The following OGN variants were observed in gnomAD, a reference collection of about 807,000 sequenced individuals.
OGN encodes the protein mimecan.
OGN carries 19 observed loss-of-function variants against 30.8 expected under a neutral mutation model. The observed-to-expected ratio is 0.62, with a 90% CI of 0.43 to 0.90. The LOEUF (loss-of-function observed/expected upper bound fraction) is 0.90. OGN is among the 40% of genes least tolerant of loss of function. The pLI is 0.00. For missense variants in OGN, 283 were observed against 349.7 expected, an observed-to-expected ratio of 0.81 and a Z score of 1.52; for synonymous variants, 126 against 128.3, an observed-to-expected ratio of 0.98 and a Z score of 0.12.
chr9:92,400,667 A>T (rs949322901), intron 3 of OGN, among the ~76,000 whole-genome samples: 1 of 152,220 alleles, frequency 6.6e-6, no homozygotes, highest in Non-Finnish European at 1.5e-5. Flanking sequence ...TTGTTATTTC[A>T]TGACAAGTTT....
At chr9:92,387,667 G>A (rs890372684) in intron 5 of OGN, among the ~76,000 whole-genome samples, 10 of 152,144 alleles carry the variant, frequency 6.6e-5, no homozygotes, top group Non-Finnish European at 1.5e-4. Flanking sequence ...TCTTCCCAGT[G>A]AGTCTCATTT....
At chr9:92,403,645 T>G in intron 1 of OGN, 163 bp from the exon 2 acceptor site, 1 of 1,161,356 alleles carries the variant, frequency 8.6e-7, no homozygotes. Flanking sequence ...AAAAATAGTT[T>G]TGGAAAATAG....
Position 92,385,768 on chromosome 9 carries a change from G to C in OGN, c.749C>G (p.Thr250Arg), listed in dbSNP as rs1842393651. 1.9e-6 allele frequency: 3 copies of C among 1,613,994 alleles called. No homozygotes were observed. The highest frequency in any genetic ancestry group is 2.5e-6 in the Non-Finnish European group (3 of 1,179,960). ...HLQFNNIASITDDTFCKANDT... is the reference protein window; with the variant it reads ...HLQFNNIASIRDDTFCKANDT... Reference sequence around the variant, plus strand: ...ATTAGCCTTGCAGAATGTGTCATCTGTAATTGAAGCTATGTTGTTGAACTG... The same window carrying C: ...ATTAGCCTTGCAGAATGTGTCATCTCTAATTGAAGCTATGTTGTTGAACTG... The change falls in exon 7 of 7, where the codon ACA becomes AGA. Residue 250 changes from threonine (T) to arginine (R), a missense_variant. Transcript: ENST00000375561.
Position 92,386,218 on chromosome 9 carries a change from G to A in OGN, c.709C>T (p.Arg237Cys), listed in dbSNP as rs746698305. Residue 237 changes from arginine (R) to cysteine (C), a missense_variant, in exon 6 of 7, where the codon CGT becomes TGT. By Grantham distance (180) the Arg-to-Cys change is radical. Transcript: ENST00000375561. The stretch of plus-strand genomic sequence containing the variant: ...TATCATACCTGAAGATGAATTACAC[G>A]TAGACTTTCTGGTAAATTAAGAGGC... ...SVPLNLPESLRVIHLQFNNIA... is the reference protein window; with the variant it reads ...SVPLNLPESLCVIHLQFNNIA... The A allele has an allele frequency of 5.0e-6, 8 of 1,608,502 alleles. No individual in the cohort carries two copies. The highest frequency in any genetic ancestry group is 4.5e-5 in the East Asian group (2 of 44,824).
At chr9:92,395,893 T>C (rs1388510545) in intron 3 of OGN, among the ~76,000 whole-genome samples, 1 of 152,120 alleles carries the variant, frequency 6.6e-6, no homozygotes, top group African/African-American at 2.4e-5. Flanking sequence ...GAACAGTTGG[T>C]TCCTTGATAA....
rs570077429 is a variant in OGN, at chr9:92,397,608, G to T, written c.268+3484C>A. 3.3e-5 allele frequency among the ~76,000 whole-genome samples: 5 copies of T among 152,286 alleles called. No individual in the cohort carries two copies. The South Asian group carries it at 1.0e-3, about 32-fold the overall frequency. The stretch of plus-strand genomic sequence containing the variant: ...GCCTCCCAGAGTGCTGATATTACAG[G>T]CATGAGCCACCACACCCGGCCAGCA... On this transcript the variant is annotated intron_variant, in intron 3 of 6. Transcript: ENST00000375561.
intron 4 of OGN, among the ~76,000 whole-genome samples, chr9:92,391,811 G>C (rs1359687251): frequency 6.6e-6 from 1 of 152,160 alleles, no homozygotes; most frequent in Non-Finnish European, 1.5e-5. Flanking sequence ...CTCTGAGCAT[G>C]TCTGAGAAAG....
In OGN at chr9:92,403,413, C is replaced by T. The variant is rs1564302328; in HGVS notation, c.-6G>A. 6.3e-7 allele frequency: 1 copy of T among 1,589,262 alleles called. No homozygotes were observed. Among genetic ancestry groups the T allele is most frequent in the East Asian group, 2.3e-5 (1 of 44,432 alleles). ...GTAGACTGCAGAGTCTTCATTTTAG[C>T]AAAAATCAAGGTGACTGGAAGTTAA... is the stretch of plus-strand genomic sequence containing the variant. On this transcript the variant is annotated 5_prime_UTR_variant, in exon 2 of 7. Coordinates refer to ENST00000375561, the MANE Select transcript of OGN (RefSeq NM_014057.5).
intron 2 of OGN, among the ~76,000 whole-genome samples, chr9:92,402,689 T>A (rs114190002): frequency 0.01 from 1,537 of 152,274 alleles, 22 homozygotes; most frequent in African/African-American, 0.033. Context: ...CTGTTAAAAT[T>A]GATTTAAAAA....
intron 3 of OGN, 150 bp from the exon 4 acceptor site, chr9:92,393,394 C>CCATGA: frequency 1.7e-6 from 1 of 576,384 alleles, no homozygotes; most frequent in Non-Finnish European, 2.9e-6. Context: ...TAACTCGTTA[C>CCATGA]CTATATTGTG....
intron 5 of OGN, among the ~76,000 whole-genome samples, 193 bp from the exon 6 acceptor site, chr9:92,386,489 T>A (rs1018480481): frequency 6.6e-6 from 1 of 152,184 alleles, no homozygotes; most frequent in African/African-American, 2.4e-5. Flanking sequence ...ACGTGTAGTG[T>A]ATTTTGATCC....
intron 3 of OGN, among the ~76,000 whole-genome samples, chr9:92,396,330 A>T (rs1289382335): frequency 6.6e-6 from 1 of 151,926 alleles, no homozygotes; most frequent in East Asian, 1.9e-4. Context: ...AGACTATTCT[A>T]GGTCCTTTAT....
chr9:92,392,997 G>C (rs1227046552), intron 4 of OGN, 89 bp downstream of exon 4: 1 of 1,016,868 alleles, frequency 9.8e-7, no homozygotes, highest in African/African-American at 1.6e-5. Flanking sequence ...ACCTGAATGT[G>C]ATAGGCAGCA....
intron 3 of OGN, 47 bp downstream of exon 3, chr9:92,401,045 A>T (rs766005098): frequency 2.3e-6 from 2 of 869,696 alleles, no homozygotes; most frequent in South Asian, 2.8e-5. Context: ...AGTCCATTAT[A>T]GCTATTTTTA....
intron 2 of OGN, among the ~76,000 whole-genome samples, chr9:92,401,574 C>T: frequency 6.6e-6 from 1 of 152,150 alleles, no homozygotes; most frequent in East Asian, 1.9e-4. Flanking sequence ...GTTTCTCATT[C>T]AGATTCTACC....
intron 5 of OGN, among the ~76,000 whole-genome samples, chr9:92,388,413 C>A (rs1050103172): frequency 5.9e-5 from 9 of 152,206 alleles, no homozygotes; most frequent in Non-Finnish European, 1.0e-4. Context: ...CCGCCTGCCT[C>A]ATCCTCCTAA....
At position 92,385,538 on chromosome 9, in the gene OGN, C is replaced by A; in HGVS notation, c.*82G>T. Reference sequence around the variant, plus strand: ...ATGAGATACAAGGTTAATATTAAACCAATACTTAAGTTCCTTTACTCATTG... The same window carrying A: ...ATGAGATACAAGGTTAATATTAAACAAATACTTAAGTTCCTTTACTCATTG... On this transcript the variant is annotated 3_prime_UTR_variant, in exon 7 of 7. Transcript: ENST00000375561. The A allele has an allele frequency of 1.7e-6, 2 of 1,190,050 alleles. No individual in the cohort carries two copies. Among genetic ancestry groups the A allele is most frequent in the Non-Finnish European group, 2.4e-6 (2 of 834,712 alleles). 73.7% of individuals were successfully genotyped at this position (1,190,050 alleles called of 1,614,324 possible). A position where few individuals can be genotyped will look rare whatever the true frequency, so the allele number is the denominator to read the frequency against.
chr9:92,389,365 A>C (rs889331977), intron 5 of OGN, among the ~76,000 whole-genome samples: 48 of 152,212 alleles, frequency 3.2e-4, no homozygotes, highest in African/African-American at 1.1e-3. Flanking sequence ...TTTATATTAC[A>C]TGCTCTCATG....
In OGN at chr9:92,401,156, C is replaced by T. The variant is rs746944071; in HGVS notation, c.204G>A (p.Glu68=). Residue 68 remains glutamate (E), a synonymous_variant, in exon 3 of 7, where the codon GAG becomes GAA. Transcript: ENST00000375561. ...KEKETVIIPN[E]KSLQLQKDEA... ...CATCTTTTTGTAATTGAAGACTTTT[C>T]TCATTGGGTATTATCACAGTTTCTT... The T allele has an allele frequency of 6.7e-5, 104 of 1,541,936 alleles. No individual in the cohort carries two copies. In the South Asian group the frequency reaches 1.1e-3, roughly 16 times the overall value.
Sources: allele counts gnomAD v4.1 joint callset (sites outside exome capture counted in the v4.1 genomes callset), GRCh38; gene constraint gnomAD v4.1.1; transcripts MANE v1.5; gene names NCBI Gene and HGNC (gene_info 2026-07-23, HGNC 2026-07-21).